Variants in CSRNP3 observed in about 807,000 individuals in gnomAD.
The protein encoded by CSRNP3 is cysteine/serine-rich nuclear protein 3.
Under a neutral mutation model 48.0 loss-of-function variants are expected in CSRNP3, and 12 were observed. That is an observed-to-expected ratio of 0.25 (90% CI 0.16 to 0.41). CSRNP3 has a LOEUF of 0.41. Ranked by LOEUF, CSRNP3 falls within the 10% of genes least tolerant of loss-of-function variation. CSRNP3 has a pLI of 1.00. For synonymous variants in CSRNP3, 263 were observed against 269.7 expected (o/e 0.98, Z 0.24); for missense variants, 580 against 724.4 (o/e 0.80, Z 2.29).
chr2:165,551,731 G>T (rs191635144), intron 3 of CSRNP3, among the ~76,000 whole-genome samples: 1 of 151,962 alleles, frequency 6.6e-6, no homozygotes, highest in Admixed American at 6.6e-5. Flanking sequence ...TGGCTATACC[G>T]TGAAACCTTG....
At chr2:165,664,815 T>TC (rs960414544) in intron 5 of CSRNP3, among the ~76,000 whole-genome samples, 6 of 151,882 alleles carry the variant, frequency 4.0e-5, no homozygotes, top group Admixed American at 1.3e-4. Flanking sequence ...AATTTTTTTT[T>TC]GTTCTTAGTA....
chr2:165,670,643 A>G (rs1343888266), intron 5 of CSRNP3, among the ~76,000 whole-genome samples: 2 of 152,204 alleles, frequency 1.3e-5, no homozygotes, highest in Non-Finnish European at 2.9e-5. Context: ...TGAGATGTAT[A>G]TGATCCTAAA....
chr2:165,620,101 CT>C (rs1204001123), intron 4 of CSRNP3, among the ~76,000 whole-genome samples: 2 of 152,096 alleles, frequency 1.3e-5, no homozygotes, highest in African/African-American at 4.8e-5. Flanking sequence ...GTTAAAATTA[CT>C]ACATGGTTTT....
intron 1 of CSRNP3, among the ~76,000 whole-genome samples, chr2:165,478,216 A>T (rs184394736): frequency 1.6e-4 from 25 of 152,318 alleles, no homozygotes; most frequent in African/African-American, 6.0e-4. Context: ...CTACTGTGTT[A>T]TTAAAGAGCC....
chr2:165,678,607 G>T, intron 6 of CSRNP3, 94 bp from the exon 7 acceptor site: 3 of 1,411,024 alleles, frequency 2.1e-6, no homozygotes, highest in Non-Finnish European at 2.9e-6. Flanking sequence ...TTAAGTGGAT[G>T]GATTACTTAA....
At chr2:165,656,636 C>G (rs1200347781) in intron 4 of CSRNP3, among the ~76,000 whole-genome samples, 1 of 152,080 alleles carries the variant, frequency 6.6e-6, no homozygotes, top group African/African-American at 2.4e-5. Flanking sequence ...TCCCATTGTT[C>G]ATAATGCTAT....
intron 4 of CSRNP3, among the ~76,000 whole-genome samples, chr2:165,633,495 T>C (rs1311968003): frequency 2.6e-5 from 4 of 152,232 alleles, no homozygotes; most frequent in Non-Finnish European, 4.4e-5. Context: ...AAATCGCAGC[T>C]TCTTTCGTCT....
At chr2:165,605,550 T>C (rs1405401431) in intron 4 of CSRNP3, among the ~76,000 whole-genome samples, 1 of 152,144 alleles carries the variant, frequency 6.6e-6, no homozygotes, top group African/African-American at 2.4e-5. Context: ...TGAAAAAATA[T>C]TGAAGCTTGG....
chr2:165,643,245 C>T (rs1347518574), intron 4 of CSRNP3, among the ~76,000 whole-genome samples: 1 of 152,200 alleles, frequency 6.6e-6, no homozygotes, highest in African/African-American at 2.4e-5. Context: ...CTACATCTTT[C>T]TGAGGATAAA....
At chr2:165,525,110 C>A (rs1558924896) in intron 3 of CSRNP3, among the ~76,000 whole-genome samples, 1 of 152,118 alleles carries the variant, frequency 6.6e-6, no homozygotes, top group Non-Finnish European at 1.5e-5. Context: ...TTTTATTTTA[C>A]TTATTTTAAC....
intron 3 of CSRNP3, among the ~76,000 whole-genome samples, chr2:165,571,773 A>T (rs1316305536): frequency 6.6e-6 from 1 of 152,156 alleles, no homozygotes; most frequent in East Asian, 1.9e-4. Flanking sequence ...CATCTACTTC[A>T]TCTATATACA....
intron 4 of CSRNP3, among the ~76,000 whole-genome samples, chr2:165,603,141 C>T (rs1286272469): frequency 2.6e-5 from 4 of 151,970 alleles, no homozygotes; most frequent in East Asian, 1.9e-4. Flanking sequence ...ATGATCCGCC[C>T]GCCTCGGCCT....
intron 3 of CSRNP3, among the ~76,000 whole-genome samples, chr2:165,580,722 G>T (rs1222347508): frequency 6.6e-6 from 1 of 152,024 alleles, no homozygotes; most frequent in Non-Finnish European, 1.5e-5. Flanking sequence ...GATTTACATT[G>T]CCTCATCTGT....
At chr2:165,664,753 A>T (rs1479961563) in intron 5 of CSRNP3, among the ~76,000 whole-genome samples, 3 of 152,074 alleles carry the variant, frequency 2.0e-5, no homozygotes, top group African/African-American at 7.2e-5. Context: ...CAAGTTCGGG[A>T]TGTTCTTTCC....
intron 2 of CSRNP3, among the ~76,000 whole-genome samples, chr2:165,509,709 T>C (rs1684476696): frequency 6.6e-6 from 1 of 152,192 alleles, no homozygotes; most frequent in Non-Finnish European, 1.5e-5. Flanking sequence ...ACCTCTTACA[T>C]AACAATAGCA....
rs1314991049 is a variant in CSRNP3 at position 165,681,830 on chromosome 2, T to C, written c.*2077T>C. The C allele has an allele frequency of 1.0e-5, 1 of 98,080 alleles. No individual in the cohort carries two copies. Among genetic ancestry groups the C allele is most frequent in the Non-Finnish European group, 2.3e-5 (1 of 43,522 alleles). The allele number at this position is 98,080 out of a possible 1,614,324, so 6.1% of individuals were successfully genotyped here. Reference sequence around the variant, plus strand: ...GTGTGTGTGTGTGTGTGTGTGTGTGTATATATATATATCCCATGTTGTCTG... The same window carrying C: ...GTGTGTGTGTGTGTGTGTGTGTGTGCATATATATATATCCCATGTTGTCTG... On this transcript the variant is annotated 3_prime_UTR_variant, in exon 7 of 7. Coordinates refer to ENST00000651982, the MANE Select transcript of CSRNP3 (RefSeq NM_001172173.2).
chr2:165,505,817 A>G (rs1348531029), intron 2 of CSRNP3, among the ~76,000 whole-genome samples: 1 of 152,222 alleles, frequency 6.6e-6, no homozygotes, highest in Non-Finnish European at 1.5e-5. Flanking sequence ...AACCACAAGC[A>G]TTCTTTAATT....
chr2:165,532,924 A>G (rs1285371263), intron 3 of CSRNP3, among the ~76,000 whole-genome samples: 2 of 152,136 alleles, frequency 1.3e-5, no homozygotes, highest in Non-Finnish European at 2.9e-5. Context: ...TAACAGACAA[A>G]CAGAGAGCCA....
At chr2:165,617,896 C>G (rs571712894) in intron 4 of CSRNP3, among the ~76,000 whole-genome samples, 1 of 152,288 alleles carries the variant, frequency 6.6e-6, no homozygotes, top group Admixed American at 6.5e-5. Context: ...CAGCTGGTGT[C>G]ACAATGCCAT....
Sources: gnomAD v4.1 joint callset for allele counts (sites outside exome capture counted in the v4.1 genomes callset) on GRCh38, gnomAD v4.1.1 for gene constraint, MANE v1.5 for transcripts, NCBI Gene and HGNC (gene_info 2026-07-23, HGNC 2026-07-21) for gene names.